The following POPDC1 variants were observed in gnomAD, a reference collection of about 807,000 sequenced individuals.
POPDC1 encodes popeye domain-containing protein 1.
chr6:105,126,975 C>T, the POPDC1 span, among the ~76,000 whole-genome samples: 2 of 152,324 alleles, frequency 1.3e-5, no homozygotes, highest in East Asian at 3.9e-4. Context: ...TTAATCATTT[C>T]TGTTGTCAGA....
At chr6:105,102,119 C>T in the POPDC1 span, among the ~76,000 whole-genome samples, 2 of 152,194 alleles carry the variant, frequency 1.3e-5, no homozygotes, top group Admixed American at 6.5e-5. Flanking sequence ...CCCATATCTT[C>T]GCTACCCAAT....
At chr6:105,118,270 G>A in the POPDC1 span, among the ~76,000 whole-genome samples, 1 of 152,110 alleles carries the variant, frequency 6.6e-6, no homozygotes, top group Non-Finnish European at 1.5e-5. Context: ...AACCCAGCTT[G>A]TCTCCTTACT....
At chr6:105,115,894 C>T in the POPDC1 span, 44 of 1,525,570 alleles carry the variant, frequency 2.9e-5, no homozygotes, top group South Asian at 4.9e-4. Flanking sequence ...ATTTAAGCAG[C>T]ATGTACTTTT....
At chr6:105,103,414 A>G in the POPDC1 span, among the ~76,000 whole-genome samples, 4 of 152,126 alleles carry the variant, frequency 2.6e-5, no homozygotes, top group South Asian at 2.1e-4. Flanking sequence ...CTTGTGCTCA[A>G]ATGTGGGTTT....
chr6:105,108,477 A>G, the POPDC1 span, among the ~76,000 whole-genome samples: 3 of 152,222 alleles, frequency 2.0e-5, no homozygotes, highest in African/African-American at 7.2e-5. Flanking sequence ...GAGGACAACC[A>G]CTCAGAGACT....
the POPDC1 span, chr6:105,129,487 G>A: frequency 3.1e-6 from 5 of 1,611,052 alleles, no homozygotes; most frequent in East Asian, 6.7e-5. Flanking sequence ...TGGCCCAGAC[G>A]ATATAAAGGG....
At chr6:105,130,512 G>T in the POPDC1 span, among the ~76,000 whole-genome samples, 1 of 152,240 alleles carries the variant, frequency 6.6e-6, no homozygotes, top group African/African-American at 2.4e-5. Context: ...GTACAAATTT[G>T]CAATCCTACT....
the POPDC1 span, among the ~76,000 whole-genome samples, chr6:105,129,842 T>G: frequency 6.6e-6 from 1 of 152,294 alleles, no homozygotes; most frequent in Non-Finnish European, 1.5e-5. Context: ...CAATTTAAAA[T>G]GTATGAATTG....
At chr6:105,130,073 T>A in the POPDC1 span, among the ~76,000 whole-genome samples, 140,562 of 152,240 alleles carry the variant, frequency 0.92, 65,030 homozygotes, top group Non-Finnish European at 0.96. Context: ...AATACAAAGT[T>A]TAAAAATATT....
chr6:105,100,889 C>T, the POPDC1 span: 1 of 438,946 alleles, frequency 2.3e-6, no homozygotes, highest in Non-Finnish European at 3.8e-6. Context: ...CTCAGTAAAA[C>T]AATTACTTTA....
the POPDC1 span, chr6:105,136,276 T>C: frequency 2.6e-5 from 4 of 152,386 alleles, no homozygotes; most frequent in East Asian, 5.8e-4. Context: ...CAACAACCCG[T>C]TCCCAAAGGC....
At chr6:105,130,670 T>C in the POPDC1 span, among the ~76,000 whole-genome samples, 1 of 152,194 alleles carries the variant, frequency 6.6e-6, no homozygotes, top group Non-Finnish European at 1.5e-5. Flanking sequence ...CATAGTCTAC[T>C]ACACTATAGG....
At chr6:105,127,476 T>TG in the POPDC1 span, among the ~76,000 whole-genome samples, 3 of 152,176 alleles carry the variant, frequency 2.0e-5, no homozygotes, top group Non-Finnish European at 4.4e-5. Context: ...TTTTTGGAGA[T>TG]GGAGCTCGCT....
At chr6:105,118,104 G>A in the POPDC1 span, among the ~76,000 whole-genome samples, 1 of 152,094 alleles carries the variant, frequency 6.6e-6, no homozygotes, top group African/African-American at 2.4e-5. Flanking sequence ...CACAAATACC[G>A]CAGTAGGCAA....
the POPDC1 span, among the ~76,000 whole-genome samples, chr6:105,118,856 A>G: frequency 6.6e-6 from 1 of 152,148 alleles, no homozygotes; most frequent in Non-Finnish European, 1.5e-5. Flanking sequence ...ACTCACAAAC[A>G]CATATTAATT....
the POPDC1 span, among the ~76,000 whole-genome samples, chr6:105,106,144 A>G: frequency 6.6e-6 from 1 of 152,184 alleles, no homozygotes; most frequent in East Asian, 1.9e-4. Context: ...ACATTTTATT[A>G]TAAAAGTATA....
the POPDC1 span, among the ~76,000 whole-genome samples, chr6:105,134,638 GAAT>G: frequency 6.6e-6 from 1 of 152,074 alleles, no homozygotes; most frequent in Admixed American, 6.5e-5. Context: ...TTAGGTAGTA[GAAT>G]AATTAATTGG....
the POPDC1 span, among the ~76,000 whole-genome samples, chr6:105,103,231 T>C: frequency 6.6e-6 from 1 of 152,242 alleles, no homozygotes; most frequent in Admixed American, 6.5e-5. Context: ...TAAAACAACT[T>C]GATATTTGTA....
At chr6:105,132,758 C>A in the POPDC1 span, among the ~76,000 whole-genome samples, 10 of 152,156 alleles carry the variant, frequency 6.6e-5, no homozygotes, top group Non-Finnish European at 1.5e-4. Flanking sequence ...ATCAGGGTTA[C>A]TGGGACCAAA....
Sources: gnomAD v4.1 joint callset for allele counts (sites outside exome capture counted in the v4.1 genomes callset) on GRCh38, gnomAD v4.1.1 for gene constraint, MANE v1.5 for transcripts, NCBI Gene and HGNC (gene_info 2026-07-23, HGNC 2026-07-21) for gene names.